Variants in CLVS2 observed in about 807,000 individuals in gnomAD.
CLVS2 encodes the protein clavesin 2, also known as clavesin-2.
A neutral mutation model predicts 29.0 loss-of-function variants in CLVS2; 19 were observed. That is an observed-to-expected ratio of 0.66 (90% CI 0.46 to 0.96). The LOEUF is 0.96. Among genes scored for constraint, CLVS2 ranks in the 40% least tolerant of loss-of-function variants. CLVS2 has a pLI of 0.00. For synonymous variants in CLVS2, 161 were observed against 151.3 expected (o/e 1.06, Z -0.47); for missense variants, 294 against 404.1 (o/e 0.73, Z 2.34).
intron 4 of CLVS2, among the ~76,000 whole-genome samples, chr6:123,049,304 A>C (rs1278622973): frequency 6.6e-6 from 1 of 152,158 alleles, no homozygotes; most frequent in African/African-American, 2.4e-5. Context: ...AAGTGCATAA[A>C]ACAAAATAAT....
chr6:123,027,850 G>A (rs558949952), intron 3 of CLVS2, among the ~76,000 whole-genome samples: 7 of 152,212 alleles, frequency 4.6e-5, no homozygotes, highest in South Asian at 2.1e-4. Flanking sequence ...CTTGTGGAAA[G>A]GATTTGCTTG....
At chr6:123,041,690 C>T (rs2114346710) in intron 3 of CLVS2, among the ~76,000 whole-genome samples, 1 of 151,986 alleles carries the variant, frequency 6.6e-6, no homozygotes, top group South Asian at 2.1e-4. Flanking sequence ...ATATGTATGC[C>T]TTTGGATAGA....
At chr6:123,048,429 T>TC (rs1772549981) in intron 3 of CLVS2, among the ~76,000 whole-genome samples, 193 bp from the exon 4 acceptor site, 1 of 152,284 alleles carries the variant, frequency 6.6e-6, no homozygotes, top group South Asian at 2.1e-4. Flanking sequence ...TTTGATTTAT[T>TC]ATACATTGCT....
chr6:123,040,826 AT>A (rs1775219553), intron 3 of CLVS2, among the ~76,000 whole-genome samples: 1 of 146,944 alleles, frequency 6.8e-6, no homozygotes, highest in African/African-American at 2.5e-5. Flanking sequence ...ACAAGTGATA[AT>A]TAAGTGGCAA....
chr6:122,997,590 AGCT>A lies in CLVS2; in HGVS notation c.-187_-185del. 2.0e-6 allele frequency: 1 copy of A among 506,970 alleles called. No homozygotes were observed. The highest frequency in any genetic ancestry group is 3.5e-6 in the Non-Finnish European group (1 of 281,786). 31.4% of individuals were successfully genotyped at this position (506,970 alleles called of 1,614,324 possible). Reference sequence around the variant, plus strand: ...GAAGTTTACACCCCCCGGCCCCCCCAGCTTTGCTGGGGGAAAGCAGGAGCAACA... The same window carrying A: ...GAAGTTTACACCCCCCGGCCCCCCCATTGCTGGGGGAAAGCAGGAGCAACA... On this transcript the variant is annotated 5_prime_UTR_variant, in exon 2 of 6. Coordinates refer to ENST00000275162, the MANE Select transcript of CLVS2 (RefSeq NM_001010852.4).
Position 123,068,254 on chromosome 6 carries a change from A to G in CLVS2, c.*4493A>G, listed in dbSNP as rs1178284887. On this transcript the variant is annotated 3_prime_UTR_variant, in exon 6 of 6. Transcript: ENST00000275162. ...AAAAATGTAGAAATCACTTAATTAT[A>G]GGAGTTAAATATAATCAATGCACTC... is the stretch of plus-strand genomic sequence containing the variant. 6.6e-6 allele frequency: 1 copy of G among 151,686 alleles called. No individual in the cohort carries two copies. Among genetic ancestry groups the G allele is most frequent in the Non-Finnish European group, 1.5e-5 (1 of 67,676 alleles). The allele number at this position is 151,686 out of a possible 1,614,324, so 9.4% of individuals were successfully genotyped here.
chr6:123,005,894 GA>G (rs1774661118), intron 2 of CLVS2, among the ~76,000 whole-genome samples: 1 of 152,178 alleles, frequency 6.6e-6, no homozygotes, highest in African/African-American at 2.4e-5. Context: ...TGTAAATGTA[GA>G]TATAGGTAAA....
chr6:123,002,619 T>TAAAATAAAAC (rs61359919), intron 2 of CLVS2, among the ~76,000 whole-genome samples: 5 of 151,708 alleles, frequency 3.3e-5, no homozygotes, highest in African/African-American at 1.2e-4. Flanking sequence ...TAAAATAAAA[T>TAAAATAAAAC]GAACAGGAAT....
intron 4 of CLVS2, among the ~76,000 whole-genome samples, chr6:123,049,663 A>G (rs926270845): frequency 1.3e-5 from 2 of 152,082 alleles, no homozygotes; most frequent in Non-Finnish European, 2.9e-5. Context: ...TTTCCTCTAA[A>G]TCTATATGGA....
Position 122,998,058 on chromosome 6 carries a change from C to G in CLVS2, c.281C>G (p.Pro94Arg). 1 of 1,614,178 alleles carries G rather than the reference C, an allele frequency of 6.2e-7. No individual in the cohort carries two copies. The change falls in exon 2 of 6, where the codon CCT becomes CGT. Residue 94 changes from proline (P) to arginine (R), a missense_variant. Pro to Arg is a moderately radical substitution (Grantham distance 103). Coordinates refer to ENST00000275162, the MANE Select transcript of CLVS2 (RefSeq NM_001010852.4). ...TTCAAAAGCTTTAAGGCCACCGACC[C>G]TGGCATCAAGCAGGCACTGAAGGAT... Reference protein sequence around the residue: ...DMFKSFKATDPGIKQALKDGF... With the variant: ...DMFKSFKATDRGIKQALKDGF...
At chr6:123,021,263 T>C (rs1774916440) in intron 3 of CLVS2, among the ~76,000 whole-genome samples, 1 of 152,070 alleles carries the variant, frequency 6.6e-6, no homozygotes, top group Non-Finnish European at 1.5e-5. Context: ...CCATCCATTA[T>C]TTCTGATGAG....
At chr6:123,036,647 G>A (rs13220132) in intron 3 of CLVS2, among the ~76,000 whole-genome samples, 4,014 of 152,234 alleles carry the variant, frequency 0.026, 77 homozygotes, top group Non-Finnish European at 0.035. Context: ...ACCTTTTCAG[G>A]AAACATTTAG....
intron 3 of CLVS2, among the ~76,000 whole-genome samples, chr6:123,045,931 T>C (rs1451458611): frequency 3.3e-5 from 5 of 152,004 alleles, no homozygotes; most frequent in Admixed American, 1.3e-4. Context: ...AACCAGATTA[T>C]ACTCAAAGGG....
intron 2 of CLVS2, 147 bp from the exon 3 acceptor site, chr6:123,010,838 C>T (rs1774737154): frequency 2.2e-6 from 1 of 461,856 alleles, no homozygotes; most frequent in African/African-American, 2.0e-5. Flanking sequence ...AATTAAACCT[C>T]TTCCTAAAAT....
At chr6:123,059,793 A>G (rs1772748557) in intron 5 of CLVS2, among the ~76,000 whole-genome samples, 1 of 152,184 alleles carries the variant, frequency 6.6e-6, no homozygotes, top group Admixed American at 6.5e-5. Flanking sequence ...TGTTAGATAT[A>G]GCCTAGTCTA....
intron 3 of CLVS2, among the ~76,000 whole-genome samples, chr6:123,014,929 G>A (rs959494643): frequency 4.6e-5 from 7 of 152,096 alleles, no homozygotes; most frequent in African/African-American, 1.7e-4. Context: ...GAATGAGATT[G>A]TTTCACCTGG....
chr6:123,062,201 A>G (rs529422321), intron 5 of CLVS2, among the ~76,000 whole-genome samples: 86 of 152,268 alleles, frequency 5.6e-4, no homozygotes, highest in African/African-American at 2.0e-3. Context: ...CTGAGAGCCA[A>G]TTTGCTTGGT....
chr6:123,024,969 G>A (rs892808048), intron 3 of CLVS2, among the ~76,000 whole-genome samples: 1 of 152,024 alleles, frequency 6.6e-6, no homozygotes, highest in African/African-American at 2.4e-5. Context: ...CCCAATATAC[G>A]CCTAGGATAC....
At chr6:123,028,679 G>A (rs187412017) in intron 3 of CLVS2, among the ~76,000 whole-genome samples, 1 of 152,272 alleles carries the variant, frequency 6.6e-6, no homozygotes, top group African/African-American at 2.4e-5. Context: ...GCAGTGTCTT[G>A]TATGAAACAA....
Sources: gnomAD v4.1 joint callset for allele counts (sites outside exome capture counted in the v4.1 genomes callset) on GRCh38, gnomAD v4.1.1 for gene constraint, MANE v1.5 for transcripts, NCBI Gene and HGNC (gene_info 2026-07-23, HGNC 2026-07-21) for gene names.